C1orf21: variants seen among roughly 807,000 people sequenced by gnomAD.
The protein encoded by C1orf21 is chromosome 1 open reading frame 21, also known as uncharacterized protein C1orf21.
In C1orf21, 3 loss-of-function variants were observed where a neutral mutation model predicts 18.7. The observed-to-expected ratio is 0.16, with a 90% CI of 0.07 to 0.42. The LOEUF is 0.42. Among genes scored for constraint, C1orf21 ranks in the 10% least tolerant of loss-of-function variants. The pLI is 0.99. For synonymous variants in C1orf21, 41 were observed against 46.4 expected, an observed-to-expected ratio of 0.88 and a Z score of 0.47; for missense variants, 104 against 143.6, an observed-to-expected ratio of 0.72 and a Z score of 1.41.
chr1:184,516,954 G>A (rs1275447190), intron 3 of C1orf21, among the ~76,000 whole-genome samples: 1 of 152,234 alleles, frequency 6.6e-6, no homozygotes, highest in East Asian at 1.9e-4. Flanking sequence ...CTGGGAAGTG[G>A]CCCTGATCCG....
intron 3 of C1orf21, among the ~76,000 whole-genome samples, chr1:184,524,923 T>C (rs1003831322): frequency 2.0e-5 from 3 of 152,106 alleles, no homozygotes; most frequent in African/African-American, 4.8e-5. Context: ...ATAGAAAATA[T>C]TTTCATAGCT....
At chr1:184,425,375 C>T (rs186775771) in intron 1 of C1orf21, among the ~76,000 whole-genome samples, 6 of 152,000 alleles carry the variant, frequency 3.9e-5, no homozygotes, top group Admixed American at 1.3e-4. Flanking sequence ...AAGCAATCCT[C>T]CTGCCTCAGC....
intron 3 of C1orf21, among the ~76,000 whole-genome samples, chr1:184,544,576 A>G (rs1218109421): frequency 1.3e-5 from 2 of 152,244 alleles, no homozygotes; most frequent in South Asian, 4.1e-4. Flanking sequence ...AAAATGTTTA[A>G]TGCATATACC....
rs572979128 is a variant in C1orf21, at chr1:184,573,812, AC to A, written c.190-16922del. On this transcript the variant is annotated intron_variant, in intron 3 of 5. Coordinates refer to ENST00000235307, the MANE Select transcript of C1orf21 (RefSeq NM_030806.4). ...ATCCTTGGTACAAACCTTCACATGT[AC>A]CCCCTGAATATAAATTAAAAGTTGA... Among the ~76,000 whole-genome samples the A allele has an allele frequency of 5.5e-3, 840 of 152,248 alleles. 11 individuals are homozygous for A. The highest frequency in any genetic ancestry group is 0.019 in the African/African-American group (793 of 41,548).
chr1:184,612,192 C>A (rs16823336), intron 5 of C1orf21, among the ~76,000 whole-genome samples: 11,801 of 152,134 alleles, frequency 0.078, 602 homozygotes, highest in African/African-American at 0.14. Context: ...TCAGGTGATC[C>A]TTCAGCTAGT....
chr1:184,450,409 A>G (rs1455416275), intron 1 of C1orf21, among the ~76,000 whole-genome samples: 2 of 152,184 alleles, frequency 1.3e-5, no homozygotes, highest in Admixed American at 6.5e-5. Flanking sequence ...AGGGCCACTC[A>G]TGATAGAATA....
At chr1:184,551,943 T>TA (rs5779224) in intron 3 of C1orf21, among the ~76,000 whole-genome samples, 1,437 of 139,764 alleles carry the variant, frequency 0.01, 13 homozygotes, top group African/African-American at 0.015. Context: ...GACCCTGTCT[T>TA]AAAAAAAAAA....
At chr1:184,574,214 CA>C (rs1558006162) in intron 3 of C1orf21, among the ~76,000 whole-genome samples, 1 of 151,010 alleles carries the variant, frequency 6.6e-6, no homozygotes, top group Non-Finnish European at 1.5e-5. Flanking sequence ...CAAAACGAAA[CA>C]AAAAAAAGAA....
At chr1:184,405,470 C>G (rs940376092) in intron 1 of C1orf21, among the ~76,000 whole-genome samples, 1 of 152,142 alleles carries the variant, frequency 6.6e-6, no homozygotes, top group Non-Finnish European at 1.5e-5. Flanking sequence ...GCTGGGGTTA[C>G]AGGTGTGAGC....
intron 3 of C1orf21, among the ~76,000 whole-genome samples, chr1:184,558,406 T>G (rs1258517472): frequency 4.6e-5 from 7 of 152,208 alleles, no homozygotes; most frequent in Non-Finnish European, 8.8e-5. Flanking sequence ...TTAAAAAAAT[T>G]TTCTAGAGTA....
intron 2 of C1orf21, among the ~76,000 whole-genome samples, chr1:184,501,702 G>C (rs1283803395): frequency 6.6e-6 from 1 of 152,184 alleles, no homozygotes; most frequent in Non-Finnish European, 1.5e-5. Context: ...ACACAGAAAG[G>C]ATAGCAGGGG....
intron 3 of C1orf21, among the ~76,000 whole-genome samples, chr1:184,570,247 C>A (rs972472827): frequency 6.6e-6 from 1 of 152,036 alleles, no homozygotes; most frequent in Non-Finnish European, 1.5e-5. Context: ...TAAGTAGCAG[C>A]AAGTTTGCGC....
At chr1:184,404,981 G>T (rs1656222188) in intron 1 of C1orf21, among the ~76,000 whole-genome samples, 1 of 151,950 alleles carries the variant, frequency 6.6e-6, no homozygotes, top group South Asian at 2.1e-4. Flanking sequence ...ACCTTTCTTG[G>T]CTAAGCCTGT....
intron 5 of C1orf21, among the ~76,000 whole-genome samples, chr1:184,601,524 G>A (rs1471178394): frequency 6.6e-6 from 1 of 152,156 alleles, no homozygotes; most frequent in Admixed American, 6.5e-5. Flanking sequence ...CAGAGCTGCT[G>A]TTTACCTTTG....
At chr1:184,547,810 T>C (rs1277204926) in intron 3 of C1orf21, among the ~76,000 whole-genome samples, 2 of 152,158 alleles carry the variant, frequency 1.3e-5, no homozygotes, top group African/African-American at 4.8e-5. Context: ...AAAAAAGGTG[T>C]AGGGAATATC....
At chr1:184,397,491 C>T (rs965281958) in intron 1 of C1orf21, among the ~76,000 whole-genome samples, 2 of 151,814 alleles carry the variant, frequency 1.3e-5, no homozygotes, top group African/African-American at 4.8e-5. Context: ...GAGGCTGAGG[C>T]AGGAGAATGT....
chr1:184,508,060 A>G (rs955013948), intron 3 of C1orf21, among the ~76,000 whole-genome samples: 3 of 152,164 alleles, frequency 2.0e-5, no homozygotes, highest in African/African-American at 7.2e-5. Flanking sequence ...TATTCTAGAC[A>G]TGTAATGTTG....
intron 3 of C1orf21, among the ~76,000 whole-genome samples, chr1:184,530,043 G>C (rs1388143303): frequency 6.6e-6 from 1 of 152,162 alleles, no homozygotes; most frequent in African/African-American, 2.4e-5. Flanking sequence ...AGAATTAAAT[G>C]AACTGATGTC....
intron 3 of C1orf21, among the ~76,000 whole-genome samples, chr1:184,547,928 A>G (rs10911606): frequency 0.52 from 79,627 of 151,896 alleles, 21,449 homozygotes; most frequent in African/African-American, 0.67. Context: ...ACCATTGGAA[A>G]TGGATACCTG....
Sources: gnomAD v4.1 joint callset for allele counts (sites outside exome capture counted in the v4.1 genomes callset) on GRCh38, gnomAD v4.1.1 for gene constraint, MANE v1.5 for transcripts, NCBI Gene and HGNC (gene_info 2026-07-23, HGNC 2026-07-21) for gene names.